MFAP5: variants seen among roughly 807,000 people sequenced by gnomAD.
The protein encoded by MFAP5 is microfibril associated protein 5, also known as microfibrillar-associated protein 5.
Under a neutral mutation model 30.1 loss-of-function variants are expected in MFAP5, and 19 were observed. That is an observed-to-expected ratio of 0.63 (90% CI 0.44 to 0.93). MFAP5 has a LOEUF of 0.93. Among genes scored for constraint, MFAP5 ranks in the 40% least tolerant of loss-of-function variants. The probability of loss-of-function intolerance (pLI) is 0.00; values close to 1 mark genes in which losing one functional copy is unlikely to be tolerated. For synonymous variants in MFAP5, 92 were observed against 72.9 expected, an observed-to-expected ratio of 1.26 and a Z score of -1.33; for missense variants, 210 against 221.3, an observed-to-expected ratio of 0.95 and a Z score of 0.32.
intron 3 of MFAP5, 94 bp downstream of exon 3, chr12:8,660,765 TGGCA>T: frequency 1.1e-6 from 1 of 922,874 alleles, no homozygotes; most frequent in African/African-American, 1.7e-5. Flanking sequence ...TTTTTTTTTT[TGGCA>T]GCGATAGATA....
At chr12:8,661,561 T>TA (rs1397920050) in intron 2 of MFAP5, among the ~76,000 whole-genome samples, 49 of 151,710 alleles carry the variant, frequency 3.2e-4, no homozygotes, top group African/African-American at 1.1e-3. Context: ...TTTTTTTTTT[T>TA]AATGGAGATG....
chr12:8,656,666 ATAT>A (rs1298873835), intron 3 of MFAP5, among the ~76,000 whole-genome samples: 16 of 121,332 alleles, frequency 1.3e-4, no homozygotes, highest in Non-Finnish European at 2.4e-4. Context: ...ATATATATAT[ATAT>A]TTTTTTTTTT....
At chr12:8,653,117 G>C (rs1210053407) in intron 6 of MFAP5, among the ~76,000 whole-genome samples, 1 of 151,758 alleles carries the variant, frequency 6.6e-6, no homozygotes, top group East Asian at 1.9e-4. Context: ...GCTTGAACCC[G>C]GGAGGCGGAG....
At chr12:8,661,998 G>T in intron 2 of MFAP5, 49 bp downstream of exon 2, 1 of 1,549,262 alleles carries the variant, frequency 6.5e-7, no homozygotes. Flanking sequence ...CCACACACGT[G>T]TATAGCTGAG....
In MFAP5 at chr12:8,648,201, C is replaced by G. The variant is rs990633066; in HGVS notation, c.412G>C (p.Glu138Gln). The G allele has an allele frequency of 1.2e-6, 2 of 1,611,078 alleles. No homozygotes were observed. Among genetic ancestry groups the G allele is most frequent in the Non-Finnish European group, 8.5e-7 (1 of 1,177,428 alleles). ...VCKEHEAMKD[E>Q]LCRQMAGLPP... ...AGACCAGCCATCTGACGGCAAAGCTCATCTAGAAGAGAAGCAGAACATCAT... is the reference window on the plus strand; with the variant it reads ...AGACCAGCCATCTGACGGCAAAGCTGATCTAGAAGAGAAGCAGAACATCAT... The change falls in exon 10 of 10, where the codon GAG becomes CAG. Residue 138 changes from glutamate (E) to glutamine (Q), a missense_variant and splice_region_variant. By Grantham distance (29) the Glu-to-Gln change is conservative. Coordinates refer to ENST00000359478, the MANE Select transcript of MFAP5 (RefSeq NM_003480.4).
At chr12:8,654,171 AC>A in intron 6 of MFAP5, 1 of 373,376 alleles carries the variant, frequency 2.7e-6, no homozygotes, top group Non-Finnish European at 4.8e-6. Flanking sequence ...TACTTCTTCT[AC>A]CCTTTATCCT....
intron 3 of MFAP5, among the ~76,000 whole-genome samples, chr12:8,660,142 C>T (rs1482023853): frequency 6.6e-6 from 1 of 151,486 alleles, no homozygotes; most frequent in East Asian, 1.9e-4. Flanking sequence ...GGGTTTTGCT[C>T]AGTTGTGCCA....
At chr12:8,649,878 T>C (rs1941786762) in intron 8 of MFAP5, among the ~76,000 whole-genome samples, 1 of 152,206 alleles carries the variant, frequency 6.6e-6, no homozygotes, top group Non-Finnish European at 1.5e-5. Context: ...GGTGCACCCG[T>C]CACCCAAGCA....
At chr12:8,654,188 A>G in intron 6 of MFAP5, 2 of 421,616 alleles carry the variant, frequency 4.7e-6, no homozygotes, top group East Asian at 3.6e-5. Context: ...ATCCTCCAAA[A>G]CGTGTTTATA....
rs139330366 is a variant in MFAP5, at chr12:8,651,673, T to C, written c.236A>G (p.Asn79Ser). 4 of 1,613,522 alleles carry C rather than the reference T, an allele frequency of 2.5e-6. No individual in the cohort carries two copies. Among genetic ancestry groups the C allele is most frequent in the Non-Finnish European group, 3.4e-6 (4 of 1,179,562 alleles). ...AGCAACAATCATACCTGCAGTGGTA[T>C]TTTTTTCACTGAGGGAGGCTGAAAG... ...TDDLASLSEK[N>S]TTAECWDEKF... The change falls in exon 7 of 10, where the codon AAT (asparagine) becomes AGT (serine). Residue 79 changes from asparagine to serine, a missense_variant. Asn to Ser is a conservative substitution (Grantham distance 46, BLOSUM62 1). Transcript: ENST00000359478.
intron 2 of MFAP5, 42 bp from the exon 3 acceptor site, chr12:8,660,940 T>G: frequency 1.3e-6 from 2 of 1,542,166 alleles, no homozygotes; most frequent in Non-Finnish European, 1.8e-6. Context: ...TGACTGCAGC[T>G]CTATACCTCG....
intron 2 of MFAP5, among the ~76,000 whole-genome samples, chr12:8,661,474 G>C (rs1221267057): frequency 1.3e-5 from 2 of 152,016 alleles, no homozygotes; most frequent in Non-Finnish European, 2.9e-5. Flanking sequence ...CTGCATGCAT[G>C]ATGGTAATAG....
At chr12:8,661,912 T>C (rs2136485429) in intron 2 of MFAP5, 135 bp downstream of exon 2, 1 of 882,308 alleles carries the variant, frequency 1.1e-6, no homozygotes, top group African/African-American at 1.7e-5. Flanking sequence ...TCTGTTCTTC[T>C]AATAGGAATT....
At chr12:8,649,382 T>C (rs561387030) in intron 9 of MFAP5, 119 bp downstream of exon 9, 1 of 820,626 alleles carries the variant, frequency 1.2e-6, no homozygotes, top group Non-Finnish European at 2.0e-6. Context: ...GCTGATGGAC[T>C]CTAAGGGGGT....
chr12:8,658,260 G>C (rs1300069002), intron 3 of MFAP5, among the ~76,000 whole-genome samples: 2 of 152,124 alleles, frequency 1.3e-5, no homozygotes, highest in Non-Finnish European at 2.9e-5. Flanking sequence ...TGAGGCAGGA[G>C]AATGAATTGA....
At chr12:8,649,411 A>T in intron 9 of MFAP5, 90 bp downstream of exon 9, 1 of 1,188,076 alleles carries the variant, frequency 8.4e-7, no homozygotes, top group Non-Finnish European at 1.2e-6. Context: ...GCCCTCCTCT[A>T]GTACCAGACT....
At chr12:8,660,179 T>TC (rs1207079823) in intron 3 of MFAP5, among the ~76,000 whole-genome samples, 1 of 151,148 alleles carries the variant, frequency 6.6e-6, no homozygotes, top group Non-Finnish European at 1.5e-5. Flanking sequence ...TGACATGACT[T>TC]CTTTTTTTCT....
At chr12:8,649,897 C>T (rs12812305) in intron 8 of MFAP5, among the ~76,000 whole-genome samples, 14,604 of 152,062 alleles carry the variant, frequency 0.096, 926 homozygotes, top group African/African-American at 0.18. Context: ...CAGTGTACAC[C>T]GTACCCAATG....
chr12:8,662,363 C>T (rs1942178123), intron 1 of MFAP5: 2 of 477,792 alleles, frequency 4.2e-6, no homozygotes, highest in South Asian at 5.1e-5. Context: ...GGAAATTTTA[C>T]ATTCTACATG....
Sources: allele counts gnomAD v4.1 joint callset (sites outside exome capture counted in the v4.1 genomes callset), GRCh38; gene constraint gnomAD v4.1.1; transcripts MANE v1.5; gene names NCBI Gene and HGNC (gene_info 2026-07-23, HGNC 2026-07-21).